Variants in OPHN1 observed in about 807,000 individuals in gnomAD.
The protein encoded by OPHN1 is oligophrenin-1.
A neutral mutation model predicts 60.7 loss-of-function variants in OPHN1; 11 were observed. The observed-to-expected ratio is 0.18, with a 90% confidence interval of 0.11 to 0.30. The LOEUF (loss-of-function observed/expected upper bound fraction) is 0.30, where lower values mean the gene tolerates loss of function less well. OPHN1 is among the 10% of genes least tolerant of loss of function. The pLI is 1.00. For missense variants in OPHN1, 449 were observed against 611.0 expected, an observed-to-expected ratio of 0.73 and a Z score of 2.80; for synonymous variants, 226 against 222.6, an observed-to-expected ratio of 1.02 and a Z score of -0.14.
chrX:68,153,981 A>ATG (rs2077297466), intron 15 of OPHN1, among the ~76,000 whole-genome samples: 4 of 112,073 alleles, frequency 3.6e-5, no homozygotes, highest in Admixed American at 1.9e-4. Flanking sequence ...ATTCCATAAT[A>ATG]TTAAAGGAGG....
chrX:68,231,314 G>A (rs1455044651), intron 6 of OPHN1, among the ~76,000 whole-genome samples: 1 of 111,984 alleles, frequency 8.9e-6, no homozygotes, highest in African/African-American at 3.2e-5. Context: ...ATAGTGACAA[G>A]GATGTGGAGC....
At chrX:68,233,253 T>C (rs928668595) in intron 6 of OPHN1, among the ~76,000 whole-genome samples, 2 of 111,676 alleles carry the variant, frequency 1.8e-5, no homozygotes, top group African/African-American at 6.5e-5. Flanking sequence ...ACCTATTACC[T>C]TCAAGCACCT....
At chrX:68,297,887 A>T (rs1376657432) in intron 3 of OPHN1, among the ~76,000 whole-genome samples, 1 of 111,794 alleles carries the variant, frequency 8.9e-6, no homozygotes, top group Non-Finnish European at 1.9e-5. Context: ...GAAAACAGAT[A>T]TATGTAGAGA....
intron 19 of OPHN1, among the ~76,000 whole-genome samples, chrX:68,083,088 C>T (rs1390652555): frequency 9.2e-5 from 2 of 21,736 alleles, no homozygotes; most frequent in Admixed American, 9.2e-4. Flanking sequence ...TTTTTTGAGA[C>T]GGAGTCTCGC....
intron 5 of OPHN1, among the ~76,000 whole-genome samples, chrX:68,266,178 C>G (rs760347196): frequency 5.4e-5 from 6 of 110,591 alleles, no homozygotes; most frequent in African/African-American, 2.0e-4. Flanking sequence ...ATACAGAGAA[C>G]GCCACAAAGA....
At chrX:68,421,872 T>C (rs1156450829) in intron 2 of OPHN1, among the ~76,000 whole-genome samples, 1 of 111,353 alleles carries the variant, frequency 9.0e-6, no homozygotes, top group Non-Finnish European at 1.9e-5. Flanking sequence ...CGTTTCCCAA[T>C]ATATACTACT....
chrX:68,264,648 T>A (rs150378564), intron 5 of OPHN1, among the ~76,000 whole-genome samples: 2,448 of 111,608 alleles, frequency 0.022, 48 homozygotes, highest in African/African-American at 0.057. Context: ...AGGTACTGGG[T>A]TCATCTCACT....
At chrX:68,100,660 A>G (rs547486056) in intron 18 of OPHN1, among the ~76,000 whole-genome samples, 3 of 111,789 alleles carry the variant, frequency 2.7e-5, no homozygotes, top group African/African-American at 9.7e-5. Context: ...AAAAGACAAT[A>G]GTGAAGGCGA....
Position 68,280,335 on chromosome X carries a change from G to C in OPHN1, c.312+2721C>G, listed in dbSNP as rs1173999454. On this transcript the variant is annotated intron_variant, in intron 4 of 24. Transcript: ENST00000355520. ...ACTTTAAACAACCATAAGAGATGGG[G>C]ATTATTTTCCTCACTCTACAAATAA... 2.7e-5 allele frequency among the ~76,000 whole-genome samples: 3 copies of C among 111,354 alleles called. No individual in the cohort carries two copies. In the East Asian group the frequency reaches 8.5e-4, roughly 31 times the overall value.
chrX:68,100,262 T>TACACGCACAC (rs1305007496), intron 18 of OPHN1, among the ~76,000 whole-genome samples: 1 of 109,262 alleles, frequency 9.2e-6, no homozygotes, highest in African/African-American at 3.4e-5. Flanking sequence ...CATACATACA[T>TACACGCACAC]ACACGCACAC....
At chrX:68,070,727 G>A in intron 20 of OPHN1, 6 of 1,119,106 alleles carry the variant, frequency 5.4e-6, no homozygotes, top group Non-Finnish European at 7.4e-6. Context: ...TGGTTCCCTG[G>A]GCAAAAGCTT....
intron 5 of OPHN1, among the ~76,000 whole-genome samples, chrX:68,260,449 C>A (rs886340485): frequency 8.2e-5 from 9 of 110,031 alleles, no homozygotes; most frequent in African/African-American, 3.0e-4. Context: ...CTGATACGAG[C>A]CCCACAAAGC....
At chrX:68,077,982 T>C (rs2076959648) in intron 19 of OPHN1, among the ~76,000 whole-genome samples, 1 of 111,952 alleles carries the variant, frequency 8.9e-6, no homozygotes, top group East Asian at 2.8e-4. Context: ...GAGCCTCAGT[T>C]GTCTAATTTG....
At chrX:68,126,333 C>A (rs1014127716) in intron 15 of OPHN1, among the ~76,000 whole-genome samples, 9 of 111,262 alleles carry the variant, frequency 8.1e-5, no homozygotes, top group Non-Finnish European at 3.8e-5. Context: ...ACTGTCAACT[C>A]CAATTTCAGC....
intron 2 of OPHN1, among the ~76,000 whole-genome samples, chrX:68,393,130 C>G (rs1425256063): frequency 1.8e-5 from 2 of 112,233 alleles, no homozygotes; most frequent in Non-Finnish European, 3.8e-5. Context: ...TGCTCCGCTT[C>G]CCGTAAGGGG....
At chrX:68,356,577 T>C (rs947763397) in intron 2 of OPHN1, among the ~76,000 whole-genome samples, 3 of 110,772 alleles carry the variant, frequency 2.7e-5, no homozygotes, top group African/African-American at 9.8e-5. Flanking sequence ...CACGCCTGGC[T>C]AATTTTTATA....
At chrX:68,218,429 C>T (rs1258586769) in intron 6 of OPHN1, among the ~76,000 whole-genome samples, 54 of 103,051 alleles carry the variant, frequency 5.2e-4, no homozygotes, top group Non-Finnish European at 8.5e-4. Context: ...ATACAGAGAA[C>T]GCCACAAAGA....
chrX:68,147,074 C>G (rs909199439), intron 15 of OPHN1, among the ~76,000 whole-genome samples: 2 of 111,904 alleles, frequency 1.8e-5, no homozygotes, highest in Non-Finnish European at 3.8e-5. Flanking sequence ...CATGTTAGAA[C>G]TGCAAGACCC....
chrX:68,395,749 T>C (rs1446053530), intron 2 of OPHN1, among the ~76,000 whole-genome samples: 2 of 111,212 alleles, frequency 1.8e-5, no homozygotes, highest in African/African-American at 6.5e-5. Flanking sequence ...GCCCAGCTGC[T>C]AATTTTCTCA....
Sources: allele counts gnomAD v4.1 joint callset (sites outside exome capture counted in the v4.1 genomes callset), GRCh38; gene constraint gnomAD v4.1.1; transcripts MANE v1.5; gene names NCBI Gene and HGNC (gene_info 2026-07-23, HGNC 2026-07-21).